The following AOAH variants were observed in gnomAD, a reference collection of about 807,000 sequenced individuals.
The protein encoded by AOAH is acyloxyacyl hydrolase.
A neutral mutation model predicts 92.2 loss-of-function variants in AOAH; 64 were observed. The ratio of observed to expected loss-of-function variants is 0.69; its 90% CI spans 0.57 to 0.86. The LOEUF is 0.86. Ranked by LOEUF, AOAH falls within the 40% of genes least tolerant of loss-of-function variation. AOAH has a pLI of 0.00. For missense variants in AOAH, 656 were observed against 694.6 expected (o/e 0.94, Z 0.62); for synonymous variants, 263 against 254.5 (o/e 1.03, Z -0.32).
In AOAH at chr7:36,672,728, T is replaced by C. The variant is rs111280863; in HGVS notation, c.290+1215A>G. 6.9e-3 allele frequency among the ~76,000 whole-genome samples: 1,054 copies of C among 152,056 alleles called. 7 individuals are homozygous for C. The highest frequency in any genetic ancestry group is 0.02 in the Middle Eastern group (6 of 294). ...GTGCAGCAAACCACCATGGCACATG[T>C]AAACCTATGTAACAAACCTGCATGT... is the stretch of plus-strand genomic sequence containing the variant. On this transcript the variant is annotated intron_variant, in intron 3 of 20. Coordinates refer to ENST00000617537, the MANE Select transcript of AOAH (RefSeq NM_001637.4).
At position 36,722,786 on chromosome 7, in the gene AOAH, T is replaced by C. The variant is rs890011718; in HGVS notation, c.127+1236A>G. 2.7e-4 allele frequency among the ~76,000 whole-genome samples: 41 copies of C among 151,614 alleles called. 1 individual carries two copies. Among genetic ancestry groups the C allele is most frequent in the Admixed American group, 7.9e-4 (12 of 15,208 alleles). Reference sequence around the variant, plus strand: ...CATCTCTACTAAAAATACAAAAAATTAGCTGGGTGTGGTGGTGTGCATCTG... The same window carrying C: ...CATCTCTACTAAAAATACAAAAAATCAGCTGGGTGTGGTGGTGTGCATCTG... On this transcript the variant is annotated intron_variant, in intron 1 of 20. Transcript: ENST00000617537.
At chr7:36,558,695 C>T (rs931561207) in intron 13 of AOAH, among the ~76,000 whole-genome samples, 1 of 152,266 alleles carries the variant, frequency 6.6e-6, no homozygotes, top group African/African-American at 2.4e-5. Context: ...GCCCCTCCCC[C>T]AGCCTCGCTG....
intron 16 of AOAH, 140 bp downstream of exon 16, chr7:36,540,178 AG>A: frequency 1.4e-6 from 1 of 726,218 alleles, no homozygotes; most frequent in Non-Finnish European, 2.1e-6. Context: ...TACTGCACCT[AG>A]GGGCTCTTGC....
intron 11 of AOAH, among the ~76,000 whole-genome samples, chr7:36,605,949 T>C (rs1051813391): frequency 1.3e-5 from 2 of 152,182 alleles, no homozygotes; most frequent in Non-Finnish European, 2.9e-5. Flanking sequence ...AGGATTGAGG[T>C]TTCTCTCCTC....
At chr7:36,692,233 T>A (rs1424708009) in intron 1 of AOAH, among the ~76,000 whole-genome samples, 1 of 152,174 alleles carries the variant, frequency 6.6e-6, no homozygotes, top group Admixed American at 6.5e-5. Context: ...CAAACATTAG[T>A]TCCTCTCCCG....
chr7:36,575,831 G>A (rs900369952), intron 13 of AOAH, among the ~76,000 whole-genome samples: 4 of 152,192 alleles, frequency 2.6e-5, no homozygotes, highest in African/African-American at 9.7e-5. Context: ...GCACAGGGAT[G>A]GCAAATAGGT....
intron 1 of AOAH, among the ~76,000 whole-genome samples, chr7:36,711,023 C>A (rs138320753): frequency 2.0e-5 from 3 of 151,794 alleles, no homozygotes; most frequent in Non-Finnish European, 2.9e-5. Context: ...GTGGCAGAAC[C>A]AGGATTCAAA....
At chr7:36,522,401 C>T (rs1784151734) in intron 19 of AOAH, among the ~76,000 whole-genome samples, 1 of 152,214 alleles carries the variant, frequency 6.6e-6, no homozygotes, top group East Asian at 1.9e-4. Flanking sequence ...AAATAGTCAA[C>T]ATCTATTTCA....
chr7:36,711,117 C>T (rs1798741658), intron 1 of AOAH, among the ~76,000 whole-genome samples: 1 of 152,080 alleles, frequency 6.6e-6, no homozygotes, highest in African/African-American at 2.4e-5. Context: ...GTGGAAAATT[C>T]AGAAAATTAC....
intron 11 of AOAH, among the ~76,000 whole-genome samples, chr7:36,611,862 TATC>T (rs1489439620): frequency 4.6e-5 from 7 of 152,190 alleles, no homozygotes; most frequent in African/African-American, 1.4e-4. Flanking sequence ...ACACTGTTAC[TATC>T]ATCATTTACA....
rs112482487 is a variant in AOAH at position 36,659,755 on chromosome 7, C to CTT, written c.291-492_291-491dup. ...TTATAAACATATTTCTTTTTTCTTT[C>CTT]TTTTTTTTTTTTTTTTTTCCTGCGA... is the stretch of plus-strand genomic sequence containing the variant. On this transcript the variant is annotated intron_variant, in intron 3 of 20. Transcript: ENST00000617537. Among the ~76,000 whole-genome samples the CTT allele has an allele frequency of 8.4e-3, 1,072 of 127,934 alleles. 27 individuals are homozygous for CTT. Among genetic ancestry groups the CTT allele is most frequent in the African/African-American group, 0.022 (754 of 33,542 alleles). 83.9% of individuals were successfully genotyped at this position (127,934 alleles called of 152,430 possible).
rs769731991 is a variant in AOAH, at chr7:36,632,032, A to G, written c.521+4T>C. ...GCTCAGGAAGGTAGAAATTGTATAC[A>G]TACAATTTAATTTTCTGGCAGATCT... On this transcript the variant is annotated splice_donor_region_variant and intron_variant, in intron 6 of 20. Transcript: ENST00000617537. The G allele has an allele frequency of 6.2e-6, 10 of 1,608,726 alleles. No homozygotes were observed. The South Asian group carries it at 7.8e-5, about 12-fold the overall frequency.
rs950262408 is a variant in AOAH, at chr7:36,594,190, A to G, written c.938+149T>C. The G allele has an allele frequency of 1.5e-5, 10 of 664,752 alleles. No homozygotes were observed. The African/African-American group carries it at 1.8e-4, about 12-fold the overall frequency. 41.2% of individuals were successfully genotyped at this position (664,752 alleles called of 1,614,324 possible). On this transcript the variant is annotated intron_variant, in intron 12 of 20. Transcript: ENST00000617537. ...GCTGCTAAAATACAATTTGCATTAC[A>G]TCCTACTGTATGGTGGATGAACTCA... is the stretch of plus-strand genomic sequence containing the variant.
chr7:36,553,744 G>T (rs1185276900), intron 13 of AOAH, among the ~76,000 whole-genome samples: 2 of 151,712 alleles, frequency 1.3e-5, no homozygotes, highest in Non-Finnish European at 2.9e-5. Flanking sequence ...TCAGTGATGA[G>T]CATTTTTTCA....
Position 36,548,682 on chromosome 7 carries a change from A to G in AOAH, c.1063T>C (p.Ser355Pro), listed in dbSNP as rs1384692004. 1.2e-6 allele frequency: 2 copies of G among 1,613,238 alleles called. No homozygotes were observed. The highest frequency in any genetic ancestry group is 4.5e-5 in the East Asian group (2 of 44,862). Residue 355 changes from serine (S) to proline (P), a missense_variant, in exon 15 of 21, where the codon TCT (serine) becomes CCT (proline). By Grantham distance (74) the Ser-to-Pro change is moderately conservative. Transcript: ENST00000617537. ...GGATAGTCCAACACCTTGTTTCTAG[A>G]CAAGCTGAGAAGGCATAGATGGAAT... ...RNLKKFIESL[S>P]RNKVLDYPAI...
At chr7:36,537,517 T>TTG (rs1485915279) in intron 16 of AOAH, among the ~76,000 whole-genome samples, 3 of 148,972 alleles carry the variant, frequency 2.0e-5, no homozygotes, top group Non-Finnish European at 3.0e-5. Context: ...TTTTTTTTTT[T>TTG]TTTTTGTTTG....
intron 6 of AOAH, among the ~76,000 whole-genome samples, chr7:36,629,487 C>G (rs1245881481): frequency 6.6e-6 from 1 of 152,138 alleles, no homozygotes; most frequent in Non-Finnish European, 1.5e-5. Flanking sequence ...CTGGCTGCAT[C>G]TCAGTCTTCC....
intron 4 of AOAH, among the ~76,000 whole-genome samples, chr7:36,656,347 G>GATAGAC (rs1470945397): frequency 6.6e-6 from 1 of 152,158 alleles, no homozygotes; most frequent in Non-Finnish European, 1.5e-5. Context: ...AGCCGGTGGC[G>GATAGAC]ATAGACTTCA....
At chr7:36,678,584 TGTGTGTGTGTGTGTGTGC>T (rs1194542691) in intron 2 of AOAH, among the ~76,000 whole-genome samples, 2 of 105,812 alleles carry the variant, frequency 1.9e-5, no homozygotes, top group African/African-American at 8.5e-5. Context: ...TGTGTGTGTG[TGTGTGTGTGTGTGTGTGC>T]GCGCGCGCGC....
Sources: allele counts gnomAD v4.1 joint callset (sites outside exome capture counted in the v4.1 genomes callset), GRCh38; gene constraint gnomAD v4.1.1; transcripts MANE v1.5; gene names NCBI Gene and HGNC (gene_info 2026-07-23, HGNC 2026-07-21).